Variants in SNX29 observed in about 807,000 individuals in gnomAD.
The protein encoded by SNX29 is sorting nexin 29, also known as sorting nexin-29.
Under a neutral mutation model 102.1 loss-of-function variants are expected in SNX29, and 78 were observed. The ratio of observed to expected loss-of-function variants is 0.76; its 90% CI spans 0.64 to 0.92. The LOEUF (loss-of-function observed/expected upper bound fraction) is 0.92, where lower values mean the gene tolerates loss of function less well. Ranked by LOEUF, SNX29 falls within the 40% of genes least tolerant of loss-of-function variation. The pLI, the probability that SNX29 is intolerant of heterozygous loss-of-function variation, is 0.00. For synonymous variants in SNX29, 580 were observed against 414.5 expected, an observed-to-expected ratio of 1.40 and a Z score of -4.85; for missense variants, 1,280 against 1,061.7, an observed-to-expected ratio of 1.21 and a Z score of -2.86.
chr16:12,265,251 C>G (rs759792242), intron 14 of SNX29, among the ~76,000 whole-genome samples: 2 of 152,186 alleles, frequency 1.3e-5, no homozygotes, highest in South Asian at 2.1e-4. Flanking sequence ...TTTTCACTGT[C>G]AAACTGCTTT....
At chr16:12,206,595 C>T (rs1187734027) in intron 14 of SNX29, among the ~76,000 whole-genome samples, 1 of 152,056 alleles carries the variant, frequency 6.6e-6, no homozygotes, top group Non-Finnish European at 1.5e-5. Context: ...GCCAGGTGTT[C>T]TCCTTGGGCT....
chr16:12,007,740 A>G (rs988893145), intron 3 of SNX29, among the ~76,000 whole-genome samples: 1 of 151,784 alleles, frequency 6.6e-6, no homozygotes, highest in African/African-American at 2.4e-5. Flanking sequence ...GGCTCTTCCC[A>G]TTCGTTCTTG....
chr16:12,227,083 C>T (rs1250088965), intron 14 of SNX29, among the ~76,000 whole-genome samples: 1 of 152,088 alleles, frequency 6.6e-6, no homozygotes, highest in Admixed American at 6.5e-5. Flanking sequence ...CTGGAGACTC[C>T]CTGTTGGGGC....
At position 12,571,514 on chromosome 16, in the gene SNX29, C is replaced by G. The variant is rs75321034; in HGVS notation, c.*2885C>G. ...CGAGGGTGGCCCACCTCTCAAGGGCCTTGGATTCCTGGGACCACCCTTTGC... is the reference window on the plus strand; with the variant it reads ...CGAGGGTGGCCCACCTCTCAAGGGCGTTGGATTCCTGGGACCACCCTTTGC... On this transcript the variant is annotated 3_prime_UTR_variant, in exon 21 of 21. Transcript: ENST00000566228. 3 of 673,818 alleles carry G rather than the reference C, an allele frequency of 4.5e-6. No homozygotes were observed. Among genetic ancestry groups the G allele is most frequent in the African/African-American group, 1.9e-5 (1 of 53,430 alleles). 41.7% of individuals were successfully genotyped at this position (673,818 alleles called of 1,614,324 possible).
intron 14 of SNX29, among the ~76,000 whole-genome samples, chr16:12,274,446 A>G (rs2151000254): frequency 1.3e-5 from 2 of 151,948 alleles, no homozygotes; most frequent in South Asian, 4.2e-4. Context: ...TTGGCTCTGA[A>G]TTATATCTTT....
chr16:12,414,948 C>T (rs967578230), intron 18 of SNX29, among the ~76,000 whole-genome samples: 3 of 152,158 alleles, frequency 2.0e-5, no homozygotes, highest in African/African-American at 7.2e-5. Flanking sequence ...GTCTCGAACT[C>T]CTAACCTCAA....
intron 16 of SNX29, among the ~76,000 whole-genome samples, chr16:12,361,890 G>C (rs1030335626): frequency 4.6e-5 from 7 of 151,476 alleles, no homozygotes; most frequent in Non-Finnish European, 8.8e-5. Flanking sequence ...ATCTGTAACT[G>C]TTACCAGTCT....
At chr16:12,249,107 G>A (rs1027008837) in intron 14 of SNX29, among the ~76,000 whole-genome samples, 1 of 152,142 alleles carries the variant, frequency 6.6e-6, no homozygotes, top group Admixed American at 6.5e-5. Flanking sequence ...ACTAACAATT[G>A]GGTGAGTTAG....
At chr16:12,249,001 T>G (rs2078343606) in intron 14 of SNX29, among the ~76,000 whole-genome samples, 1 of 152,142 alleles carries the variant, frequency 6.6e-6, no homozygotes, top group Admixed American at 6.5e-5. Context: ...GTCCACATGA[T>G]TCTGTCTCTG....
intron 20 of SNX29, among the ~76,000 whole-genome samples, chr16:12,529,329 A>G (rs996365636): frequency 1.3e-5 from 2 of 152,142 alleles, no homozygotes; most frequent in Non-Finnish European, 2.9e-5. Context: ...GTCGTCTGAC[A>G]TTTGGGGAAG....
rs529549079 is a variant in SNX29 at position 12,370,281 on chromosome 16, C to T, written c.1899+14002C>T. 8.3e-4 allele frequency among the ~76,000 whole-genome samples: 126 copies of T among 152,088 alleles called. 1 individual carries two copies. Among genetic ancestry groups the T allele is most frequent in the African/African-American group, 2.8e-3 (117 of 41,492 alleles). ...CAATCAACAACAAAAATAAAGGTGG[C>T]TGGGTGCGGTGGCTCACACCTGTAA... is the stretch of plus-strand genomic sequence containing the variant. On this transcript the variant is annotated intron_variant, in intron 16 of 20. Transcript: ENST00000566228.
In SNX29 at chr16:12,451,665, C is replaced by T. The variant is rs192558775; in HGVS notation, c.2038-26054C>T. 7.9e-5 allele frequency among the ~76,000 whole-genome samples: 12 copies of T among 152,276 alleles called. No individual in the cohort carries two copies. In the East Asian group the frequency reaches 1.9e-3, roughly 25 times the overall value. ...GACCATGAGGTCAGGAGATCAAGAC[C>T]ATCCTGGCTAATGGGGTGAAATCCC... On this transcript the variant is annotated intron_variant, in intron 18 of 20. Transcript: ENST00000566228.
intron 10 of SNX29, among the ~76,000 whole-genome samples, chr16:12,072,839 T>A (rs984707182): frequency 6.6e-6 from 1 of 152,158 alleles, no homozygotes; most frequent in Non-Finnish European, 1.5e-5. Flanking sequence ...ATTGCCACAA[T>A]TTCAGATCCT....
At chr16:12,261,662 C>A (rs2078769367) in intron 14 of SNX29, among the ~76,000 whole-genome samples, 1 of 100,706 alleles carries the variant, frequency 9.9e-6, no homozygotes, top group Admixed American at 1.1e-4. Flanking sequence ...GAGCTCGGGT[C>A]TGCACGTGTC....
intron 14 of SNX29, among the ~76,000 whole-genome samples, chr16:12,250,632 C>T (rs1049027998): frequency 6.6e-6 from 1 of 152,182 alleles, no homozygotes; most frequent in Non-Finnish European, 1.5e-5. Flanking sequence ...TTATTTGTTT[C>T]CATTCTTTAA....
chr16:11,977,036 C>G, intron 1 of SNX29: 2 of 455,110 alleles, frequency 4.4e-6, no homozygotes, highest in South Asian at 9.6e-5. Context: ...TCTCCTGACT[C>G]CTGTCCATCC....
chr16:12,539,287 C>T (rs1014148238), intron 20 of SNX29, among the ~76,000 whole-genome samples: 2 of 152,080 alleles, frequency 1.3e-5, no homozygotes, highest in African/African-American at 2.4e-5. Context: ...CACCCTCCCC[C>T]ACCTCTAAGC....
intron 18 of SNX29, among the ~76,000 whole-genome samples, chr16:12,412,043 G>C (rs2084417167): frequency 2.0e-5 from 3 of 152,332 alleles, no homozygotes; most frequent in South Asian, 4.1e-4. Flanking sequence ...ATTTTCCTAA[G>C]GTACCTGGCA....
chr16:12,382,901 GC>G (rs2083223585), intron 16 of SNX29, among the ~76,000 whole-genome samples: 1 of 151,870 alleles, frequency 6.6e-6, no homozygotes, highest in Non-Finnish European at 1.5e-5. Context: ...GGGATTTAGG[GC>G]CTACCTGGAT....
Sources: gnomAD v4.1 joint callset for allele counts (sites outside exome capture counted in the v4.1 genomes callset) on GRCh38, gnomAD v4.1.1 for gene constraint, MANE v1.5 for transcripts, NCBI Gene and HGNC (gene_info 2026-07-23, HGNC 2026-07-21) for gene names.